The following JPH1 variants were observed in gnomAD, a reference collection of about 807,000 sequenced individuals.
JPH1 encodes junctophilin 1.
In JPH1, 12 loss-of-function variants were observed where a neutral mutation model predicts 53.6. That is an observed-to-expected ratio of 0.22 (90% CI 0.14 to 0.36). JPH1 has a LOEUF of 0.36. Ranked by LOEUF, JPH1 falls within the 10% of genes least tolerant of loss-of-function variation. The pLI, the probability that JPH1 is intolerant of heterozygous loss-of-function variation, is 1.00. For missense variants in JPH1, 808 were observed against 905.5 expected (o/e 0.89, Z 1.38); for synonymous variants, 375 against 363.8 (o/e 1.03, Z -0.35).
intron 4 of JPH1, among the ~76,000 whole-genome samples, chr8:74,238,976 C>G (rs567920754): frequency 6.6e-6 from 1 of 151,932 alleles, no homozygotes; most frequent in East Asian, 1.9e-4. Context: ...GGTTGTTAAA[C>G]GAAATGGATT....
intron 3 of JPH1, among the ~76,000 whole-genome samples, chr8:74,249,572 T>C (rs1039781738): frequency 6.6e-6 from 1 of 152,228 alleles, no homozygotes; most frequent in African/African-American, 2.4e-5. Flanking sequence ...TGTACTGGAA[T>C]GAATACGTGG....
At chr8:74,272,627 G>A (rs189328093) in intron 2 of JPH1, among the ~76,000 whole-genome samples, 11 of 140,994 alleles carry the variant, frequency 7.8e-5, no homozygotes, top group South Asian at 4.5e-4. Flanking sequence ...TTTTTGAGAC[G>A]GAGTTTCGCT....
chr8:74,250,350 C>T (rs899352788), intron 3 of JPH1, among the ~76,000 whole-genome samples: 1 of 152,166 alleles, frequency 6.6e-6, no homozygotes, highest in African/African-American at 2.4e-5. Context: ...TCAGGCTGGT[C>T]GTGAACTCCT....
At chr8:74,261,588 G>A (rs932440698) in intron 2 of JPH1, among the ~76,000 whole-genome samples, 1 of 152,126 alleles carries the variant, frequency 6.6e-6, no homozygotes, top group African/African-American at 2.4e-5. Context: ...ACCCCTCATG[G>A]GTGCCATTGC....
intron 2 of JPH1, among the ~76,000 whole-genome samples, chr8:74,274,101 T>A (rs1360829532): frequency 2.0e-5 from 3 of 152,214 alleles, no homozygotes; most frequent in African/African-American, 7.2e-5. Flanking sequence ...TTTTCCCTTT[T>A]TGACATAATC....
intron 2 of JPH1, among the ~76,000 whole-genome samples, chr8:74,281,223 T>C (rs1380782265): frequency 6.6e-6 from 1 of 152,238 alleles, no homozygotes; most frequent in East Asian, 1.9e-4. Context: ...ATAAAGAAGA[T>C]TTTTATCAAT....
intron 2 of JPH1, among the ~76,000 whole-genome samples, chr8:74,295,777 G>T (rs1807490778): frequency 2.0e-5 from 3 of 152,092 alleles, no homozygotes; most frequent in African/African-American, 7.2e-5. Context: ...GGTCTCTCGG[G>T]TTCTTGCTCC....
chr8:74,281,950 A>G (rs1420941697), intron 2 of JPH1, among the ~76,000 whole-genome samples: 1 of 152,216 alleles, frequency 6.6e-6, no homozygotes, highest in Non-Finnish European at 1.5e-5. Flanking sequence ...GCTCTCGGAA[A>G]CACGCTTAAG....
chr8:74,307,794 T>C (rs960823320), intron 2 of JPH1, among the ~76,000 whole-genome samples: 3 of 152,238 alleles, frequency 2.0e-5, no homozygotes, highest in Non-Finnish European at 4.4e-5. Flanking sequence ...TAACGATAGC[T>C]TATAAACAGC....
intron 2 of JPH1, among the ~76,000 whole-genome samples, chr8:74,270,488 A>G (rs1806667092): frequency 6.6e-6 from 1 of 152,228 alleles, no homozygotes; most frequent in Non-Finnish European, 1.5e-5. Context: ...ACACTGAGAA[A>G]ATGGAAGCAG....
chr8:74,300,633 C>T (rs1175604997), intron 2 of JPH1, among the ~76,000 whole-genome samples: 2 of 152,112 alleles, frequency 1.3e-5, no homozygotes, highest in African/African-American at 4.8e-5. Flanking sequence ...CCCTTTTATA[C>T]CATCTTCTGA....
intron 3 of JPH1, among the ~76,000 whole-genome samples, chr8:74,250,396 G>A (rs1310036607): frequency 6.6e-6 from 1 of 152,178 alleles, no homozygotes; most frequent in African/African-American, 2.4e-5. Flanking sequence ...GCCTCCCAGA[G>A]TGCTGGGATT....
At chr8:74,314,788 T>A in intron 2 of JPH1, 73 bp downstream of exon 2, 2 of 1,525,864 alleles carry the variant, frequency 1.3e-6, no homozygotes, top group Non-Finnish European at 1.8e-6. Flanking sequence ...CACTGGCAGA[T>A]AGACAAACAT....
intron 1 of JPH1, among the ~76,000 whole-genome samples, chr8:74,318,331 A>G (rs1218830668): frequency 1.3e-5 from 2 of 152,214 alleles, no homozygotes; most frequent in East Asian, 3.8e-4. Context: ...CATCCAGTTT[A>G]GGAGTTTCAG....
rs4738440 is a variant in JPH1 at position 74,278,369 on chromosome 8, T to C, written c.1140-18866A>G. On this transcript the variant is annotated intron_variant, in intron 2 of 5. Coordinates refer to ENST00000342232, the MANE Select transcript of JPH1 (RefSeq NM_020647.4). ...CTAATACATGGCACTGTCTTTCCCA[T>C]AGCCAGGATTCACTGGTCCAGAAAT... Among the ~76,000 whole-genome samples the C allele has an allele frequency of 4.5e-3, 691 of 152,274 alleles. 17 individuals carry two copies. The highest frequency in any genetic ancestry group is 0.04 in the Admixed American group (611 of 15,294).
At chr8:74,308,486 C>A (rs528326214) in intron 2 of JPH1, among the ~76,000 whole-genome samples, 2 of 152,308 alleles carry the variant, frequency 1.3e-5, no homozygotes, top group Admixed American at 6.5e-5. Context: ...AAATTAGGAG[C>A]ACTGGCAGTG....
At chr8:74,297,200 G>C (rs1332404274) in intron 2 of JPH1, among the ~76,000 whole-genome samples, 1 of 152,182 alleles carries the variant, frequency 6.6e-6, no homozygotes, top group Non-Finnish European at 1.5e-5. Flanking sequence ...CCAACACCTG[G>C]CTGTTTCTTT....
rs1474360432 is a variant in JPH1, at chr8:74,236,192, A to G, written c.*859T>C. The G allele has an allele frequency of 6.6e-6, 1 of 152,238 alleles. No homozygotes were observed. Among genetic ancestry groups the G allele is most frequent in the Non-Finnish European group, 1.5e-5 (1 of 68,046 alleles). The allele number at this position is 152,238 out of a possible 1,614,324, so 9.4% of individuals were successfully genotyped here. A position where few individuals can be genotyped will look rare whatever the true frequency, so the allele number is the denominator to read the frequency against. On this transcript the variant is annotated 3_prime_UTR_variant, in exon 6 of 6. Coordinates refer to ENST00000342232, the MANE Select transcript of JPH1 (RefSeq NM_020647.4). ...ATTAAATTAGTTCTTAGGAAGGCAT[A>G]GTGTCTTCAAATTGCTAAATTTTAA...
intron 2 of JPH1, among the ~76,000 whole-genome samples, chr8:74,265,609 T>C (rs1287538926): frequency 1.3e-5 from 2 of 152,198 alleles, no homozygotes; most frequent in African/African-American, 4.8e-5. Flanking sequence ...TCCTTTATAA[T>C]GAGGGTCATT....
Sources: allele counts gnomAD v4.1 joint callset (sites outside exome capture counted in the v4.1 genomes callset), GRCh38; gene constraint gnomAD v4.1.1; transcripts MANE v1.5; gene names NCBI Gene and HGNC (gene_info 2026-07-23, HGNC 2026-07-21).